OTOF: variants seen among roughly 807,000 people sequenced by gnomAD.
The protein encoded by OTOF is fer-1-like family member 2.
In OTOF, 218 loss-of-function variants were observed where a neutral mutation model predicts 236.8. That is an observed-to-expected ratio of 0.92 (90% confidence interval 0.82 to 1.03). The LOEUF is 1.03. OTOF is among the 50% of genes least tolerant of loss of function. The pLI is 0.00. For missense variants in OTOF, 2,590 were observed against 2,694.4 expected (o/e 0.96, Z 0.86); for synonymous variants, 1,041 against 1,072.5 (o/e 0.97, Z 0.57).
intron 2 of OTOF, among the ~76,000 whole-genome samples, chr2:26,532,630 G>T (rs900126760): frequency 6.6e-6 from 1 of 152,188 alleles, no homozygotes; most frequent in Non-Finnish European, 1.5e-5. Flanking sequence ...ACAGAAGCAA[G>T]GTGGTAGGTA....
chr2:26,473,092 C>A lies in OTOF; in HGVS notation c.3733+40G>T. On this transcript the variant is annotated intron_variant, in intron 29 of 46. Transcript: ENST00000272371. This position sits in a 1 kb window ranked among gnomAD's most constrained non-coding sequence, Gnocchi z 7.2. ...AGACCTGGAGCCCTTCCCTGGGGGG[C>A]GTGGAGCCAGGCTTGGTGGCAGGGT... 1 of 1,593,824 alleles carries A rather than the reference C, an allele frequency of 6.3e-7. No homozygotes were observed. Among genetic ancestry groups the A allele is most frequent in the Admixed American group, 1.7e-5 (1 of 59,748 alleles).
At chr2:26,459,859 GTGC>G (rs201168121) in intron 46 of OTOF, 146 bp downstream of exon 46, 5 of 752,396 alleles carry the variant, frequency 6.6e-6, no homozygotes, top group Non-Finnish European at 1.1e-5. Flanking sequence ...GTATGCACTT[GTGC>G]GTGGCACATG....
At chr2:26,483,746 G>T in intron 12 of OTOF, 98 bp from the exon 13 acceptor site, 1 of 1,103,696 alleles carries the variant, frequency 9.1e-7, no homozygotes, top group Non-Finnish European at 1.3e-6. Flanking sequence ...CAGTCTCTAA[G>T]GGACAGCTGA....
At chr2:26,503,654 C>A in intron 6 of OTOF, 118 bp downstream of exon 6, 1 of 871,118 alleles carries the variant, frequency 1.1e-6, no homozygotes, top group Non-Finnish European at 1.9e-6. Flanking sequence ...CTGGGTGGGG[C>A]CTGGCCCTGG....
At chr2:26,495,371 T>C (rs548661130) in intron 8 of OTOF, among the ~76,000 whole-genome samples, 1 of 152,310 alleles carries the variant, frequency 6.6e-6, no homozygotes, top group Admixed American at 6.5e-5. Flanking sequence ...AAAACACTGA[T>C]GCCCAGGCCA....
chr2:26,546,467 GAA>G, intron 1 of OTOF, among the ~76,000 whole-genome samples: 1 of 143,842 alleles, frequency 7.0e-6, no homozygotes, highest in African/African-American at 2.6e-5. Context: ...GTCTCAAAAA[GAA>G]AAAAAAAAAA....
intron 18 of OTOF, 109 bp downstream of exon 18, chr2:26,479,155 T>C: frequency 7.0e-7 from 1 of 1,427,318 alleles, no homozygotes; most frequent in Non-Finnish European, 9.6e-7. Context: ...GCTGGGGCCG[T>C]TCCTGCAGCC....
In OTOF at chr2:26,480,797, G is replaced by A; in HGVS notation, c.1792C>T (p.Pro598Ser). ...GCCTGGGGTCTCACCTCCGAGATGG[G>A]CGTGGCCTGCTCCACCTGCACCTCT... ...STEVQVEQAT[P>S]ISESCAGKME... Residue 598 changes from proline (P) to serine (S), a missense_variant, in exon 15 of 47, where the codon CCC (proline) becomes TCC (serine). By Grantham distance (74) the Pro-to-Ser change is moderately conservative. Transcript: ENST00000272371. 1 of 1,612,100 alleles carries A rather than the reference G, an allele frequency of 6.2e-7. No individual in the cohort carries two copies. Among genetic ancestry groups the A allele is most frequent in the South Asian group, 1.1e-5 (1 of 91,052 alleles).
rs1416657150 is a variant in OTOF, at chr2:26,479,404, G to A, written c.2094-20C>T. On this transcript the variant is annotated intron_variant, in intron 17 of 46. Coordinates refer to ENST00000272371, the MANE Select transcript of OTOF (RefSeq NM_194248.3). ...TAGTTCCTGGGGTGGGCAGAGGCGGGAGGTGAGGTCTTGGGGGCCCAGGGA... is the reference window on the plus strand; with the variant it reads ...TAGTTCCTGGGGTGGGCAGAGGCGGAAGGTGAGGTCTTGGGGGCCCAGGGA... 1.2e-6 allele frequency: 2 copies of A among 1,611,456 alleles called. No homozygotes were observed. The highest frequency in any genetic ancestry group is 1.3e-5 in the African/African-American group (1 of 74,922).
chr2:26,496,445 G>A (rs374221014), intron 8 of OTOF, among the ~76,000 whole-genome samples: 2 of 151,890 alleles, frequency 1.3e-5, no homozygotes, highest in Middle Eastern at 3.4e-3. Flanking sequence ...TTACCATGTT[G>A]GCCAGGCTGG....
chr2:26,532,510 C>A (rs528368839), intron 2 of OTOF, among the ~76,000 whole-genome samples: 1 of 152,216 alleles, frequency 6.6e-6, no homozygotes, highest in Non-Finnish European at 1.5e-5. Flanking sequence ...CTGTGCATGA[C>A]GCTGTGCAGA....
At chr2:26,495,134 G>T (rs964448811) in intron 8 of OTOF, 61 bp from the exon 9 acceptor site, 4 of 1,595,152 alleles carry the variant, frequency 2.5e-6, no homozygotes, top group Non-Finnish European at 2.6e-6. Context: ...GCCTGGTCCC[G>T]CAGGGGTCCA....
At chr2:26,488,831 C>T (rs2148065991) in intron 11 of OTOF, among the ~76,000 whole-genome samples, 1 of 152,320 alleles carries the variant, frequency 6.6e-6, no homozygotes, top group Non-Finnish European at 1.5e-5. Context: ...GGAGTCTGGG[C>T]GCAGCCTCTC....
chr2:26,532,124 G>T (rs1666965740), intron 2 of OTOF, among the ~76,000 whole-genome samples: 1 of 139,326 alleles, frequency 7.2e-6, no homozygotes, highest in East Asian at 2.0e-4. Flanking sequence ...AAGACTGAAG[G>T]AAAAGGGCTT....
rs397517946 is a variant in OTOF at position 26,471,122 on chromosome 2, A to G, written c.3893T>C (p.Val1298Ala). 19 of 1,613,938 alleles carry G rather than the reference A, an allele frequency of 1.2e-5. No homozygotes were observed. In the South Asian group the frequency reaches 1.5e-4, roughly 13 times the overall value. ...ATSEAVVKVD[V>A]AEEEKEKKKK... The stretch of plus-strand genomic sequence containing the variant: ...CCCCTGCATGGCCCCCACACTCACC[A>G]CATCCACCTTGACAACAGCTTCAGA... The change falls in exon 31 of 47, where the codon GTG becomes GCG. Residue 1298 changes from valine to alanine, a missense_variant and splice_region_variant. Transcript: ENST00000272371.
chr2:26,526,404 A>C (rs1317661954), intron 3 of OTOF, among the ~76,000 whole-genome samples: 1 of 152,070 alleles, frequency 6.6e-6, no homozygotes, highest in Non-Finnish European at 1.5e-5. Context: ...AAAGGATGGA[A>C]GGATGGATGA....
rs779854387 is a variant in OTOF at position 26,467,500 on chromosome 2, G to A, written c.4092C>T (p.Gly1364=). 6.2e-7 allele frequency: 1 copy of A among 1,613,652 alleles called. No individual in the cohort carries two copies. The highest frequency in any genetic ancestry group is 1.7e-5 in the Admixed American group (1 of 59,976). The change falls in exon 34 of 47, where the codon GGC becomes GGT. Residue 1364 remains glycine (G), a splice_region_variant and synonymous_variant. Transcript: ENST00000272371. The part of the protein sequence containing the change: ...EEKEEVDNTE[G]LKGSMKGKEK... Reference sequence around the variant, plus strand: ...CCTTGCCCTTCATTGACCCCTTCAGGCCTGGCCAGAAGCAGAAAAGGAGGT... The same window carrying A: ...CCTTGCCCTTCATTGACCCCTTCAGACCTGGCCAGAAGCAGAAAAGGAGGT...
At chr2:26,519,725 C>G (rs1178094508) in intron 3 of OTOF, among the ~76,000 whole-genome samples, 2 of 152,190 alleles carry the variant, frequency 1.3e-5, no homozygotes, top group African/African-American at 4.8e-5. Flanking sequence ...AGCAAGCTAC[C>G]TGCTTCCTGG....
intron 1 of OTOF, among the ~76,000 whole-genome samples, chr2:26,549,646 C>T (rs1667411898): frequency 6.6e-6 from 1 of 152,206 alleles, no homozygotes; most frequent in Non-Finnish European, 1.5e-5. Flanking sequence ...TTAACCCACC[C>T]TGCTAACATC....
Sources: gnomAD v4.1 joint callset for allele counts (sites outside exome capture counted in the v4.1 genomes callset) on GRCh38, gnomAD v4.1.1 for gene constraint, Gnocchi (gnomAD v3.1) non-coding constraint, MANE v1.5 for transcripts, NCBI Gene and HGNC (gene_info 2026-07-23, HGNC 2026-07-21) for gene names.